The following NBPF15 variants were observed in gnomAD, a reference collection of about 807,000 sequenced individuals.
NBPF15 encodes the protein NBPF member 15.
Under a neutral mutation model 62.2 loss-of-function variants are expected in NBPF15, and 74 were observed. The ratio of observed to expected loss-of-function variants is 1.19; its 90% CI spans 0.99 to 1.44. The LOEUF (loss-of-function observed/expected upper bound fraction) is 1.44. Among genes scored for constraint, NBPF15 ranks in the 40% most tolerant of loss-of-function variants. The probability of loss-of-function intolerance (pLI) is 0.00; values close to 1 mark genes in which losing one functional copy is unlikely to be tolerated. For synonymous variants in NBPF15, 244 were observed against 209.7 expected (o/e 1.16, Z -1.41); for missense variants, 790 against 550.0 (o/e 1.44, Z -4.36).
chr1:144,423,653 C>T (rs1413262526), intron 21 of NBPF15, among the ~76,000 whole-genome samples: 1 of 151,988 alleles, frequency 6.6e-6, no homozygotes, highest in African/African-American at 2.4e-5. Context: ...CAGAGTACAG[C>T]TTTTGAAGTA....
rs1262840457 is a variant in NBPF15 at position 144,440,205 on chromosome 1, G to A, written c.-100C>T. ...ATCCTTCACCACAAAAACAAGGTTC[G>A]AGGTGCCTCAACTCAGAGCTGAAAG... On this transcript the variant is annotated 5_prime_UTR_variant, in exon 7 of 22. Transcript: ENST00000581897. The A allele has an allele frequency of 5.6e-5, 86 of 1,526,974 alleles. No homozygotes were observed. The East Asian group carries it at 1.2e-3, about 21-fold the overall frequency. The allele number at this position is 1,526,974 out of a possible 1,614,324, so 94.6% of individuals were successfully genotyped here.
intron 8 of NBPF15, among the ~76,000 whole-genome samples, chr1:144,439,043 G>A (rs1293418437): frequency 1.3e-5 from 2 of 151,580 alleles, no homozygotes; most frequent in Non-Finnish European, 2.9e-5. Context: ...GAGTGCAATG[G>A]CAAAATCTTG....
At chr1:144,428,464 G>C (rs1571113345) in intron 15 of NBPF15, 142 bp downstream of exon 15, 2 of 891,742 alleles carry the variant, frequency 2.2e-6, no homozygotes, top group East Asian at 4.8e-5. Flanking sequence ...ACTCTAATGA[G>C]AACCAAAAAG....
rs1434789002 is a variant in NBPF15 at position 144,427,033 on chromosome 1, T to C, written c.1265+14A>G. On this transcript the variant is annotated intron_variant, in intron 17 of 21. Transcript: ENST00000581897. ...TCAACACACAATTAAGCATCCATAA[T>C]TGCTCAAAGTTACCTGGGGCATGAT... The C allele has an allele frequency of 2.9e-5, 22 of 756,238 alleles. No homozygotes were observed. The East Asian group carries it at 5.4e-4, about 19-fold the overall frequency. 46.8% of individuals were successfully genotyped at this position (756,238 alleles called of 1,614,324 possible). A position where few individuals can be genotyped will look rare whatever the true frequency, so the allele number is the denominator to read the frequency against.
At chr1:144,438,868 A>C (rs1397183464) in intron 8 of NBPF15, among the ~76,000 whole-genome samples, 4 of 151,942 alleles carry the variant, frequency 2.6e-5, no homozygotes, top group African/African-American at 4.8e-5. Flanking sequence ...TGTTATCTCC[A>C]CACATTCTCG....
At chr1:144,455,802 G>A (rs587760796) in intron 4 of NBPF15, among the ~76,000 whole-genome samples, 44 of 151,928 alleles carry the variant, frequency 2.9e-4, no homozygotes, top group African/African-American at 9.2e-4. Flanking sequence ...GGGTTCCATG[G>A]GGTAGTGACC....
intron 8 of NBPF15, 39 bp downstream of exon 8, chr1:144,439,790 C>T: frequency 6.7e-7 from 1 of 1,502,854 alleles, no homozygotes; most frequent in Non-Finnish European, 9.2e-7. Flanking sequence ...GACAGGACAT[C>T]ATTCATCACT....
chr1:144,442,095 C>CACACGTGTATATATATATAATATATAT, intron 6 of NBPF15, among the ~76,000 whole-genome samples: 29 of 54,680 alleles, frequency 5.3e-4, no homozygotes, highest in African/African-American at 1.8e-3. Flanking sequence ...ACAAACATGG[C>CACACGTGTATATATATATAATATATAT]ACACGTGTAT....
chr1:144,442,292 A>ATATATATATATACACGTGTATATAT (rs1248313807), intron 6 of NBPF15, among the ~76,000 whole-genome samples: 73 of 123,180 alleles, frequency 5.9e-4, no homozygotes, highest in East Asian at 1.3e-3. Flanking sequence ...TGTATATATT[A>ATATATATATATACACGTGTATATAT]TATATATATA....
chr1:144,441,727 C>T (rs1683048624), intron 6 of NBPF15, among the ~76,000 whole-genome samples: 1 of 151,132 alleles, frequency 6.6e-6, no homozygotes, highest in African/African-American at 2.4e-5. Context: ...GAAACTATTT[C>T]CTATTTTTCC....
At chr1:144,459,925 C>A (rs1241448018) in intron 2 of NBPF15, among the ~76,000 whole-genome samples, 2 of 151,144 alleles carry the variant, frequency 1.3e-5, no homozygotes, top group African/African-American at 4.9e-5. Flanking sequence ...ATTCATATAC[C>A]TCTAAAACCA....
chr1:144,438,000 G>T lies in NBPF15; in HGVS notation c.223C>A (p.Arg75=). Residue 75 remains arginine, a synonymous_variant, in exon 9 of 22, where the codon CGA becomes AGA. Transcript: ENST00000581897. The part of the protein sequence containing the change: ...DLIKFMLRNE[R]QFKEEKLAEQ... ...GCAAGCTTCTCCTCCTTGAACTGTCGCTCATTCCTCAGCATAAATTTTATG... is the reference window on the plus strand; with the variant it reads ...GCAAGCTTCTCCTCCTTGAACTGTCTCTCATTCCTCAGCATAAATTTTATG... 1.9e-6 allele frequency: 3 copies of T among 1,611,568 alleles called. No individual in the cohort carries two copies. Among genetic ancestry groups the T allele is most frequent in the Admixed American group, 1.7e-5 (1 of 59,984 alleles).
Position 144,438,071 on chromosome 1 carries a change from C to T in NBPF15, c.176-24G>A, listed in dbSNP as rs781850966. The T allele has an allele frequency of 2.7e-3, 4,314 of 1,609,956 alleles. 6 individuals carry two copies. Among genetic ancestry groups the T allele is most frequent in the Middle Eastern group, 0.022 (100 of 4,456 alleles). Reference sequence around the variant, plus strand: ...TTCTGAGAAAAGACAGACACGCCTGCCTCAGTGGAAGGCTGGACATGCTGC... The same window carrying T: ...TTCTGAGAAAAGACAGACACGCCTGTCTCAGTGGAAGGCTGGACATGCTGC... On this transcript the variant is annotated intron_variant, in intron 8 of 21. Coordinates refer to ENST00000581897, the MANE Select transcript of NBPF15 (RefSeq NM_001385408.1).
At chr1:144,424,028 A>G in intron 20 of NBPF15, 53 bp from the exon 21 acceptor site, 1 of 761,242 alleles carries the variant, frequency 1.3e-6, no homozygotes, top group Non-Finnish European at 2.4e-6. Flanking sequence ...CCCTACACAT[A>G]TAACAATCCA....
chr1:144,461,181 C>T (rs1340679696), intron 1 of NBPF15, among the ~76,000 whole-genome samples, 200 bp downstream of exon 1: 1 of 152,002 alleles, frequency 6.6e-6, no homozygotes, highest in African/African-American at 2.4e-5. Flanking sequence ...CACCCGCCAG[C>T]GAGTTTCTTC....
rs782106062 is a variant in NBPF15 at position 144,440,831 on chromosome 1, C to CTT, written c.-190-538_-190-537dup. Among the ~76,000 whole-genome samples the CTT allele has an allele frequency of 1.4e-4, 20 of 143,320 alleles. 1 individual carries two copies. The highest frequency in any genetic ancestry group is 3.6e-3 in the Middle Eastern group (1 of 276). 94.0% of individuals were successfully genotyped at this position (143,320 alleles called of 152,430 possible). On this transcript the variant is annotated intron_variant, in intron 6 of 21. Transcript: ENST00000581897. ...CCACGCCCGGCTAATTTTTCTTTTTCTTTTTTTTTTTGTATTTTTAGTAGA... is the reference window on the plus strand; with the variant it reads ...CCACGCCCGGCTAATTTTTCTTTTTCTTTTTTTTTTTTTGTATTTTTAGTAGA...
chr1:144,444,903 CTG>C (rs1264560772), intron 6 of NBPF15, among the ~76,000 whole-genome samples: 2 of 151,924 alleles, frequency 1.3e-5, no homozygotes, highest in African/African-American at 4.8e-5. Flanking sequence ...AAGGGAATGA[CTG>C]TCTATCTGAT....
chr1:144,448,355 T>C (rs1345850094), intron 6 of NBPF15, among the ~76,000 whole-genome samples: 6 of 151,984 alleles, frequency 3.9e-5, no homozygotes, highest in Admixed American at 2.0e-4. Flanking sequence ...ACATTCCTGG[T>C]GGTATTTCAG....
intron 2 of NBPF15, among the ~76,000 whole-genome samples, chr1:144,459,707 C>T (rs2102926064): frequency 6.6e-6 from 1 of 151,736 alleles, no homozygotes; most frequent in East Asian, 1.9e-4. Context: ...AAAGAGGACA[C>T]ACAAATGACA....
Sources: gnomAD v4.1 joint callset for allele counts (sites outside exome capture counted in the v4.1 genomes callset) on GRCh38, gnomAD v4.1.1 for gene constraint, MANE v1.5 for transcripts, NCBI Gene and HGNC (gene_info 2026-07-23, HGNC 2026-07-21) for gene names.